SCNN1A: variants seen among roughly 807,000 people sequenced by gnomAD.
SCNN1A encodes the protein sodium channel epithelial 1 subunit alpha, also known as epithelial sodium channel subunit alpha.
Under a neutral mutation model 68.6 loss-of-function variants are expected in SCNN1A, and 65 were observed. The observed-to-expected ratio is 0.95, with a 90% CI of 0.78 to 1.16. SCNN1A has a LOEUF of 1.16. SCNN1A is among the 50% of genes most tolerant of loss of function. The probability of loss-of-function intolerance (pLI) is 0.00; values close to 1 mark genes in which losing one functional copy is unlikely to be tolerated. For synonymous variants in SCNN1A, 357 were observed against 353.3 expected, an observed-to-expected ratio of 1.01 and a Z score of -0.12; for missense variants, 880 against 865.9, an observed-to-expected ratio of 1.02 and a Z score of -0.20.
Position 6,348,089 on chromosome 12 carries a change from C to T in SCNN1A, c.1794G>A (p.Gly598=), listed in dbSNP as rs200891555. The T allele has an allele frequency of 1.9e-5, 31 of 1,614,024 alleles. No homozygotes were observed. Among genetic ancestry groups the T allele is most frequent in the African/African-American group, 2.7e-5 (2 of 74,928 alleles). Reference sequence around the variant, plus strand: ...AGGCTACCTCCTGAGCACCCCTGCCCCCTCGGCCTGGAGACCAGTATCGGC... The same window carrying T: ...AGGCTACCTCCTGAGCACCCCTGCCTCCTCGGCCTGGAGACCAGTATCGGC... ...FRSRYWSPGR[G]GRGAQEVAST... The change falls in exon 13 of 13, where the codon GGG becomes GGA. Residue 598 remains glycine (G), a synonymous_variant. Coordinates refer to ENST00000228916, the MANE Select transcript of SCNN1A (RefSeq NM_001038.6).
At chr12:6,362,016 C>CG (rs1565481804) in intron 4 of SCNN1A, 35 bp downstream of exon 4, 1 of 1,610,592 alleles carries the variant, frequency 6.2e-7, no homozygotes, top group East Asian at 2.2e-5. Context: ...AAGCGGACCC[C>CG]GCGGAGAGCA....
chr12:6,360,794 C>T lies in SCNN1A; in HGVS notation c.875+1257G>A, dbSNP rs1250752817. Reference sequence around the variant, plus strand: ...TTACAGAAGGGGACCCCCCCCTCGCCTCAGCCTCTCCCAGCCCTCAGAGAA... The same window carrying T: ...TTACAGAAGGGGACCCCCCCCTCGCTTCAGCCTCTCCCAGCCCTCAGAGAA... On this transcript the variant is annotated intron_variant, in intron 4 of 12. Coordinates refer to ENST00000228916, the MANE Select transcript of SCNN1A (RefSeq NM_001038.6). 2.6e-5 allele frequency among the ~76,000 whole-genome samples: 4 copies of T among 152,342 alleles called. No homozygotes were observed. The East Asian group carries it at 7.7e-4, about 29-fold the overall frequency.
At position 6,347,566 on chromosome 12, in the gene SCNN1A, C is replaced by A; in HGVS notation, c.*307G>T. 1 of 443,336 alleles carries A rather than the reference C, an allele frequency of 2.3e-6. No individual in the cohort carries two copies. Among genetic ancestry groups the A allele is most frequent in the Non-Finnish European group, 4.1e-6 (1 of 242,010 alleles). 27.5% of individuals were successfully genotyped at this position (443,336 alleles called of 1,614,324 possible). A position where few individuals can be genotyped will look rare whatever the true frequency, so the allele number is the denominator to read the frequency against. On this transcript the variant is annotated 3_prime_UTR_variant, in exon 13 of 13. Coordinates refer to ENST00000228916, the MANE Select transcript of SCNN1A (RefSeq NM_001038.6). ...TTCTTAGGAAAGTTCCTTGTCAAAG[C>A]TCCAAGTTTCGCTTGGCTGATCCAA...
chr12:6,376,723 C>G (rs1451478174), upstream of SCNN1A, among the ~76,000 whole-genome samples: 1 of 152,108 alleles, frequency 6.6e-6, no homozygotes, highest in Non-Finnish European at 1.5e-5. Flanking sequence ...CTCGGGAGAG[C>G]CACCCACACA....
Position 6,363,674 on chromosome 12 carries a change from G to A in SCNN1A, c.453C>T (p.Asp151=), listed in dbSNP as rs1948623050. The A allele has an allele frequency of 3.7e-6, 6 of 1,605,154 alleles. No homozygotes were observed. The highest frequency in any genetic ancestry group is 4.3e-6 in the Non-Finnish European group (5 of 1,175,200). Residue 151 remains aspartate (D), a synonymous_variant, in exon 3 of 13, where the codon GAC becomes GAT. Transcript: ENST00000228916. ...CAAAGAGCGTCTGCTCTGTGATGCGGTCCAGCTCCTCCAGCTCCTCTTTAA... is the reference window on the plus strand; with the variant it reads ...CAAAGAGCGTCTGCTCTGTGATGCGATCCAGCTCCTCCAGCTCCTCTTTAA... The part of the protein sequence containing the change: ...PEIKEELEEL[D]RITEQTLFDL...
At position 6,375,558 on chromosome 12, in the gene SCNN1A, G is replaced by A. The variant is rs529745550; in HGVS notation, c.-108C>T. 136 of 1,534,772 alleles carry A rather than the reference G, an allele frequency of 8.9e-5. No individual in the cohort carries two copies. In the African/African-American group the frequency reaches 1.6e-3, roughly 18 times the overall value. On this transcript the variant is annotated 5_prime_UTR_variant, in exon 1 of 13. Coordinates refer to ENST00000228916, the MANE Select transcript of SCNN1A (RefSeq NM_001038.6). Reference sequence around the variant, plus strand: ...GCCCGCCCGCTGGCCGGCCAGGGATGGAAGCGACAGGAATCTCATTAGCAT... The same window carrying A: ...GCCCGCCCGCTGGCCGGCCAGGGATAGAAGCGACAGGAATCTCATTAGCAT...
In SCNN1A at chr12:6,374,542, C is replaced by T. The variant is rs1256945931; in HGVS notation, c.242G>A (p.Arg81His). ...CACTGCCCAGAAGGCCGTCTTCATG[C>T]GGTTGTGCTGGGAGCACACCAGGCG... ...AIRLVCSQHNRMKTAFWAVLW... is the reference protein window; with the variant it reads ...AIRLVCSQHNHMKTAFWAVLW... The change falls in exon 2 of 13, where the codon CGC becomes CAC. Residue 81 changes from arginine to histidine, a missense_variant. Physicochemically the swap from Arg to His is conservative, Grantham distance 29. Transcript: ENST00000228916. This position sits in a 1 kb window ranked among gnomAD's most constrained non-coding sequence, Gnocchi z 6.2. 3.7e-6 allele frequency: 6 copies of T among 1,614,164 alleles called. No homozygotes were observed. The highest frequency in any genetic ancestry group is 2.2e-5 in the East Asian group (1 of 44,876).
rs928353566 is a variant in SCNN1A at position 6,374,042 on chromosome 12, C to A, written c.416+326G>T. Among the ~76,000 whole-genome samples, 14 of 152,294 alleles carry A rather than the reference C, an allele frequency of 9.2e-5. No homozygotes were observed. The East Asian group carries it at 2.7e-3, about 29-fold the overall frequency. ...CAGAAAAGGGATGCAGCTGAGCACA[C>A]CCCTGCCCTTTTGCAAGCACTCCCT... On this transcript the variant is annotated intron_variant, in intron 2 of 12. Transcript: ENST00000228916. This position sits in a 1 kb window ranked among gnomAD's most constrained non-coding sequence, Gnocchi z 6.2.
At chr12:6,357,505 T>C (rs965569482) in intron 4 of SCNN1A, among the ~76,000 whole-genome samples, 3 of 151,450 alleles carry the variant, frequency 2.0e-5, no homozygotes, top group African/African-American at 7.3e-5. Context: ...ACTTGGGAGG[T>C]TGCAGTGAGC....
upstream of SCNN1A, chr12:6,375,879 G>A: frequency 7.8e-7 from 1 of 1,286,342 alleles, no homozygotes; most frequent in Non-Finnish European, 9.8e-7. Context: ...GGGAGGACAG[G>A]AGGGCAGAAA....
Position 6,354,787 on chromosome 12 carries a change from G to T in SCNN1A, c.1205C>A (p.Pro402His), listed in dbSNP as rs13306616. 15 of 1,614,000 alleles carry T rather than the reference G, an allele frequency of 9.3e-6. No individual in the cohort carries two copies. In the East Asian group the frequency reaches 3.1e-4, roughly 34 times the overall value. The change falls in exon 7 of 13, where the codon CCT becomes CAT. Residue 402 changes from proline to histidine, a missense_variant. By Grantham distance (77) the Pro-to-His change is moderately conservative. This residue lies in a region of SCNN1A where 758 missense variants were observed against 721.8 expected (regional missense o/e 1.05). Transcript: ENST00000228916. ...CTTTGAAGGGTAAAGGTTCTCAACAGGAACATCACTGCCATTCTTGGTGCA... is the reference window on the plus strand; with the variant it reads ...CTTTGAAGGGTAAAGGTTCTCAACATGAACATCACTGCCATTCTTGGTGCA... The part of the protein sequence containing the change: ...GDCTKNGSDV[P>H]VENLYPSKYT...
chr12:6,369,014 C>A (rs996742538), intron 2 of SCNN1A, among the ~76,000 whole-genome samples: 1 of 152,148 alleles, frequency 6.6e-6, no homozygotes, highest in Non-Finnish European at 1.5e-5. Flanking sequence ...CCCAGGAAAG[C>A]GAATTTGCCT....
At chr12:6,369,622 G>A (rs1948749587) in intron 2 of SCNN1A, among the ~76,000 whole-genome samples, 1 of 152,146 alleles carries the variant, frequency 6.6e-6, no homozygotes, top group South Asian at 2.1e-4. Flanking sequence ...CACGAGGTCA[G>A]GAGATTGAGA....
rs1948617229 is a variant in SCNN1A at position 6,363,447 on chromosome 12, T to C, written c.680A>G (p.Gln227Arg). 6.3e-7 allele frequency: 1 copy of C among 1,582,246 alleles called. No homozygotes were observed. Among genetic ancestry groups the C allele is most frequent in the Non-Finnish European group, 8.6e-7 (1 of 1,166,536 alleles). The change falls in exon 3 of 13, where the codon CAG becomes CGG. Residue 227 changes from glutamine to arginine, a missense_variant. Gln to Arg is a conservative substitution (Grantham distance 43). Coordinates refer to ENST00000228916, the MANE Select transcript of SCNN1A (RefSeq NM_001038.6). ...CCTCGGCGCTGCGGGCCTCACCAGC[T>C]GGAAGCCGATCTTCCAGTCCTTCCA... ...VDWKDWKIGFQLCNQNKSDCF... is the reference protein window; with the variant it reads ...VDWKDWKIGFRLCNQNKSDCF...
At chr12:6,369,706 C>A (rs1218978981) in intron 2 of SCNN1A, among the ~76,000 whole-genome samples, 1 of 151,862 alleles carries the variant, frequency 6.6e-6, no homozygotes, top group Non-Finnish European at 1.5e-5. Context: ...TGGTGGTGGG[C>A]GCCTGTAGTC....
At chr12:6,373,170 C>A (rs577839419) in intron 2 of SCNN1A, among the ~76,000 whole-genome samples, 6 of 151,958 alleles carry the variant, frequency 3.9e-5, no homozygotes, top group East Asian at 3.8e-4. Context: ...GACGTCCCAC[C>A]CTTTCTTAGT....
In SCNN1A at chr12:6,375,558, G is replaced by T; in HGVS notation, c.-108C>A. The T allele has an allele frequency of 6.5e-7, 1 of 1,534,772 alleles. No homozygotes were observed. Among genetic ancestry groups the T allele is most frequent in the Non-Finnish European group, 8.7e-7 (1 of 1,146,486 alleles). On this transcript the variant is annotated 5_prime_UTR_variant, in exon 1 of 13. Coordinates refer to ENST00000228916, the MANE Select transcript of SCNN1A (RefSeq NM_001038.6). ...GCCCGCCCGCTGGCCGGCCAGGGAT[G>T]GAAGCGACAGGAATCTCATTAGCAT...
chr12:6,368,436 G>A (rs1948718165), intron 2 of SCNN1A, among the ~76,000 whole-genome samples: 2 of 152,204 alleles, frequency 1.3e-5, no homozygotes, highest in Admixed American at 1.3e-4. Context: ...AGGTTATAGT[G>A]TGTTTACATA....
At chr12:6,359,313 C>A (rs1948546513) in intron 4 of SCNN1A, among the ~76,000 whole-genome samples, 1 of 151,882 alleles carries the variant, frequency 6.6e-6, no homozygotes, top group Non-Finnish European at 1.5e-5. Context: ...GTGTAGTTAT[C>A]GGGGAGGAAA....
Sources: allele counts gnomAD v4.1 joint callset (sites outside exome capture counted in the v4.1 genomes callset), GRCh38; gene constraint gnomAD v4.1.1; regional missense constraint gnomAD v4.1.1; non-coding constraint Gnocchi (gnomAD v3.1); transcripts MANE v1.5; gene names NCBI Gene and HGNC (gene_info 2026-07-23, HGNC 2026-07-21).